The following VRK3 variants were observed in gnomAD, a reference collection of about 807,000 sequenced individuals.
The protein encoded by VRK3 is VRK serine/threonine kinase 3, also known as serine/threonine-protein kinase VRK3.
Under a neutral mutation model 60.4 loss-of-function variants are expected in VRK3, and 50 were observed. That is an observed-to-expected ratio of 0.83 (90% CI 0.66 to 1.05). The LOEUF (loss-of-function observed/expected upper bound fraction) is 1.05, where lower values mean the gene tolerates loss of function less well. Among genes scored for constraint, VRK3 ranks in the 50% least tolerant of loss-of-function variants. The probability of loss-of-function intolerance (pLI) is 0.00; values close to 1 mark genes in which losing one functional copy is unlikely to be tolerated. For synonymous variants in VRK3, 246 were observed against 227.8 expected (o/e 1.08, Z -0.72); for missense variants, 549 against 585.3 (o/e 0.94, Z 0.64).
chr19:49,995,717 A>G (rs993176253), intron 7 of VRK3, among the ~76,000 whole-genome samples: 3 of 152,170 alleles, frequency 2.0e-5, no homozygotes, highest in African/African-American at 7.2e-5. Context: ...CTATCCAGGG[A>G]AGGCAGTCCT....
Position 50,007,746 on chromosome 19 carries a change from G to T in VRK3, c.370C>A (p.Gln124Lys). 1 of 1,613,282 alleles carries T rather than the reference G, an allele frequency of 6.2e-7. No homozygotes were observed. The highest frequency in any genetic ancestry group is 8.5e-7 in the Non-Finnish European group (1 of 1,179,982). The change falls in exon 5 of 15, where the codon CAG (glutamine) becomes AAG (lysine). Residue 124 changes from glutamine (Q) to lysine (K), a missense_variant. Gln to Lys is a moderately conservative substitution (Grantham distance 53, BLOSUM62 1). Coordinates refer to ENST00000316763, the MANE Select transcript of VRK3 (RefSeq NM_016440.4). Reference sequence around the variant, plus strand: ...TTCTGAGGGCTACAGCTGGTCTTCTGAGGGCTACCCCTGGTCACCTGAGGG... The same window carrying T: ...TTCTGAGGGCTACAGCTGGTCTTCTTAGGGCTACCCCTGGTCACCTGAGGG... ...KSPQVTRGSP[Q>K]KTSCSPQKTR... is the part of the protein sequence containing the mutation.
chr19:50,020,448 G>A (rs1306145396), intron 2 of VRK3, 137 bp downstream of exon 2: 2 of 152,268 alleles, frequency 1.3e-5, no homozygotes, highest in Non-Finnish European at 2.9e-5. Flanking sequence ...CTAACCAGGT[G>A]AGCCCTGCCA....
chr19:49,983,399 C>A (rs1045602239), intron 12 of VRK3, among the ~76,000 whole-genome samples: 1 of 152,224 alleles, frequency 6.6e-6, no homozygotes, highest in Non-Finnish European at 1.5e-5. Context: ...CCCCTCCAGG[C>A]GGAGGAACTC....
chr19:50,015,934 C>A, intron 3 of VRK3, 90 bp downstream of exon 3: 31 of 1,566,092 alleles, frequency 2.0e-5, no homozygotes, highest in Non-Finnish European at 2.6e-5. Context: ...CAGGGTCAGA[C>A]AGGCTGCAAA....
intron 1 of VRK3, among the ~76,000 whole-genome samples, chr19:50,020,955 A>C (rs568042745): frequency 4.6e-5 from 7 of 152,310 alleles, no homozygotes; most frequent in African/African-American, 1.7e-4. Flanking sequence ...GAGGACAATA[A>C]AGTACCATAG....
chr19:49,994,704 T>G (rs2076670112), intron 9 of VRK3, 110 bp downstream of exon 9: 2 of 950,588 alleles, frequency 2.1e-6, no homozygotes, highest in Non-Finnish European at 3.1e-6. Context: ...GCCCCCAGTG[T>G]GCAGCGGAGG....
chr19:50,024,650 G>C (rs1250672788), intron 1 of VRK3, among the ~76,000 whole-genome samples: 2 of 152,190 alleles, frequency 1.3e-5, no homozygotes, highest in African/African-American at 2.4e-5. Context: ...TCAAACCCAG[G>C]TTATAGTAGT....
chr19:50,019,445 T>C (rs1283279649), intron 2 of VRK3: 1 of 151,644 alleles, frequency 6.6e-6, no homozygotes, highest in African/African-American at 2.4e-5. Flanking sequence ...TAATGTGTGA[T>C]TGTGATAAAC....
intron 10 of VRK3, among the ~76,000 whole-genome samples, chr19:49,990,681 T>C (rs371198781): frequency 5.9e-5 from 9 of 152,178 alleles, no homozygotes; most frequent in Non-Finnish European, 1.2e-4. Flanking sequence ...TTCCACCATA[T>C]GGATAGTGGA....
At chr19:50,002,997 C>T (rs1206745491) in intron 5 of VRK3, among the ~76,000 whole-genome samples, 2 of 152,198 alleles carry the variant, frequency 1.3e-5, no homozygotes, top group Non-Finnish European at 2.9e-5. Flanking sequence ...GGCCGTTTTC[C>T]CGGCATCACT....
rs748321297 is a variant in VRK3 at position 49,995,214 on chromosome 19, G to A, written c.741C>T (p.Phe247=). ...ACCTGTATTTGTCCTGGTGAACACC[G>A]AAACCCATGCAGGTAGGGATGGCCA... ...PLLAIPTCMG[F]GVHQDKYRFL... is the part of the protein sequence containing the mutation. Residue 247 remains phenylalanine, a synonymous_variant, in exon 8 of 15, where the codon TTC becomes TTT. Transcript: ENST00000316763. 1.1e-5 allele frequency: 17 copies of A among 1,614,192 alleles called. No homozygotes were observed. Among genetic ancestry groups the A allele is most frequent in the African/African-American group, 1.3e-5 (1 of 75,048 alleles).
At chr19:50,024,223 C>A (rs1346402726) in intron 1 of VRK3, among the ~76,000 whole-genome samples, 1 of 152,192 alleles carries the variant, frequency 6.6e-6, no homozygotes, top group East Asian at 1.9e-4. Context: ...CAGGCGGGAG[C>A]CACCGTGCCC....
At chr19:49,981,427 C>A (rs1224325700) in intron 12 of VRK3, among the ~76,000 whole-genome samples, 1 of 152,144 alleles carries the variant, frequency 6.6e-6, no homozygotes, top group Admixed American at 6.5e-5. Flanking sequence ...TGCCTGTGGT[C>A]CCAGCTACTC....
At chr19:49,995,130 A>T in intron 8 of VRK3, 61 bp downstream of exon 8, 2 of 1,554,654 alleles carry the variant, frequency 1.3e-6, no homozygotes, top group Non-Finnish European at 1.8e-6. Context: ...CCATGCCTGG[A>T]GTCACAACAG....
intron 3 of VRK3, among the ~76,000 whole-genome samples, chr19:50,010,057 T>TAC (rs1020513270): frequency 8.8e-5 from 13 of 146,982 alleles, no homozygotes; most frequent in Admixed American, 4.8e-4. Flanking sequence ...TTTATATATA[T>TAC]ATACACACAC....
chr19:49,998,988 T>C (rs1014102448), intron 6 of VRK3: 163 of 114,072 alleles, frequency 1.4e-3, no homozygotes, highest in African/African-American at 4.9e-3. Context: ...CTGGACGTGG[T>C]GGTGCATGCC....
chr19:50,013,523 T>C (rs1182181758), intron 3 of VRK3, among the ~76,000 whole-genome samples: 1 of 152,246 alleles, frequency 6.6e-6, no homozygotes. Context: ...AATGATAAAA[T>C]GAATGTCACT....
chr19:50,000,312 T>G (rs990220242), intron 6 of VRK3: 3 of 168,576 alleles, frequency 1.8e-5, no homozygotes, highest in Admixed American at 5.9e-5. Flanking sequence ...GCACATGTCC[T>G]GTCTGCTGAG....
chr19:50,000,716 G>T, intron 6 of VRK3, 74 bp downstream of exon 6: 3 of 1,515,048 alleles, frequency 2.0e-6, no homozygotes, highest in Non-Finnish European at 2.7e-6. Context: ...GCTGACAGAC[G>T]GGCTCAGAAG....
Sources: allele counts gnomAD v4.1 joint callset (sites outside exome capture counted in the v4.1 genomes callset), GRCh38; gene constraint gnomAD v4.1.1; transcripts MANE v1.5; gene names NCBI Gene and HGNC (gene_info 2026-07-23, HGNC 2026-07-21).